Variants in EPB42 observed in about 807,000 individuals in gnomAD.
EPB42 encodes protein 4.2.
Under a neutral mutation model 76.9 loss-of-function variants are expected in EPB42, and 49 were observed. The observed-to-expected ratio is 0.64, with a 90% CI of 0.51 to 0.81. EPB42 has a LOEUF of 0.81. Among genes scored for constraint, EPB42 ranks in the 30% least tolerant of loss-of-function variants. The pLI is 0.00. For synonymous variants in EPB42, 310 were observed against 338.4 expected, an observed-to-expected ratio of 0.92 and a Z score of 0.92; for missense variants, 731 against 867.6, an observed-to-expected ratio of 0.84 and a Z score of 1.98.
intron 9 of EPB42, 120 bp downstream of exon 9, chr15:43,207,079 C>A: frequency 6.8e-7 from 1 of 1,469,144 alleles, no homozygotes; most frequent in Admixed American, 1.8e-5. Context: ...GTTGAGAAAC[C>A]CTGTTTTATA....
In EPB42 at chr15:43,197,288, A is replaced by G; in HGVS notation, c.*14T>C. On this transcript the variant is annotated 3_prime_UTR_variant, in exon 13 of 13. Coordinates refer to ENST00000441366, the MANE Select transcript of EPB42 (RefSeq NM_001114134.2). ...AACAAGGGTTGGCAGGAGAGTGGTG[A>G]TAGAGCTGGAAGTTTAAGCTGATAG... is the stretch of plus-strand genomic sequence containing the variant. 6.2e-7 allele frequency: 1 copy of G among 1,614,164 alleles called. No individual in the cohort carries two copies. The highest frequency in any genetic ancestry group is 8.5e-7 in the Non-Finnish European group (1 of 1,180,032).
intron 3 of EPB42, among the ~76,000 whole-genome samples, chr15:43,212,560 C>T (rs1398020165): frequency 6.6e-6 from 1 of 151,990 alleles, no homozygotes; most frequent in African/African-American, 2.4e-5. Context: ...CATAGGCTGA[C>T]GGATGTAAGC....
At chr15:43,209,588 T>G in intron 5 of EPB42, 137 bp from the exon 6 acceptor site, 2 of 953,510 alleles carry the variant, frequency 2.1e-6, no homozygotes, top group Non-Finnish European at 1.6e-6. Context: ...TGGTACTGGT[T>G]AAACCTGCAT....
chr15:43,209,727 G>C, intron 5 of EPB42: 1 of 419,580 alleles, frequency 2.4e-6, no homozygotes, highest in South Asian at 4.4e-5. Context: ...TTGGGGGCTG[G>C]TTTCACCGGT....
intron 3 of EPB42, among the ~76,000 whole-genome samples, chr15:43,214,692 G>C (rs1243619661): frequency 6.6e-6 from 1 of 152,062 alleles, no homozygotes; most frequent in Non-Finnish European, 1.5e-5. Context: ...GCCGGGGAGA[G>C]AGAGAGAAGC....
chr15:43,218,480 C>A (rs753691093), intron 1 of EPB42, among the ~76,000 whole-genome samples: 47 of 152,330 alleles, frequency 3.1e-4, no homozygotes, highest in Middle Eastern at 3.4e-3. Context: ...TGGACTCCCA[C>A]AGTACTCTGC....
chr15:43,197,329 G>A lies in EPB42; in HGVS notation c.2049C>T (p.Thr683=), dbSNP rs138957112. 133 of 1,614,182 alleles carry A rather than the reference G, an allele frequency of 8.2e-5. No individual in the cohort carries two copies. The African/African-American group carries it at 1.4e-3, about 17-fold the overall frequency. Residue 683 remains threonine (T), a synonymous_variant, in exon 13 of 13, where the codon ACC becomes ACT. Transcript: ENST00000441366. ...FQNLTNYKSV[T]VVAPELSA is the part of the protein sequence containing the mutation. ...AAGCTGATAGTTCAGGGGCTACCAC[G>A]GTGACGCTTTTATAGTTGGTTAGGT...
Position 43,206,645 on chromosome 15 carries a change from A to C in EPB42, c.1319-16T>G. On this transcript the variant is annotated splice_polypyrimidine_tract_variant and intron_variant, in intron 9 of 12. Transcript: ENST00000441366. The surrounding 1 kb of genome is among the most constrained non-coding windows in gnomAD (Gnocchi z 4.7). Reference sequence around the variant, plus strand: ...TGAAGAGACCCTGGAGAAGGGAAGAAACAAAGCTGACCTTTTACCCGGGTG... The same window carrying C: ...TGAAGAGACCCTGGAGAAGGGAAGACACAAAGCTGACCTTTTACCCGGGTG... 1 of 1,614,128 alleles carries C rather than the reference A, an allele frequency of 6.2e-7. No individual in the cohort carries two copies. Among genetic ancestry groups the C allele is most frequent in the Non-Finnish European group, 8.5e-7 (1 of 1,180,004 alleles).
chr15:43,208,927 G>T, intron 6 of EPB42, 152 bp from the exon 7 acceptor site: 1 of 907,548 alleles, frequency 1.1e-6, no homozygotes. Context: ...AGAACAGGAT[G>T]CATGAAGGCT....
chr15:43,198,600 T>C (rs529672176), intron 12 of EPB42, among the ~76,000 whole-genome samples: 3 of 152,282 alleles, frequency 2.0e-5, no homozygotes, highest in East Asian at 1.9e-4. Context: ...GACTATGCAA[T>C]AGAAAAGAAA....
Position 43,220,896 on chromosome 15 carries a change from C to T in EPB42, c.-71G>A. Reference sequence around the variant, plus strand: ...CTCTCAAACTGTTGCTTCTGGGCTCCTTCTGGGCTTTCTGTCTTCCAGACA... The same window carrying T: ...CTCTCAAACTGTTGCTTCTGGGCTCTTTCTGGGCTTTCTGTCTTCCAGACA... On this transcript the variant is annotated 5_prime_UTR_variant, in exon 1 of 13. Coordinates refer to ENST00000441366, the MANE Select transcript of EPB42 (RefSeq NM_001114134.2). 1.4e-6 allele frequency: 2 copies of T among 1,414,564 alleles called. No individual in the cohort carries two copies. Among genetic ancestry groups the T allele is most frequent in the South Asian group, 1.1e-5 (1 of 87,380 alleles). 87.6% of individuals were successfully genotyped at this position (1,414,564 alleles called of 1,614,324 possible). A position where few individuals can be genotyped will look rare whatever the true frequency, so the allele number is the denominator to read the frequency against.
At chr15:43,218,097 TG>T (rs1359721991) in intron 1 of EPB42, among the ~76,000 whole-genome samples, 1 of 152,018 alleles carries the variant, frequency 6.6e-6, no homozygotes, top group Non-Finnish European at 1.5e-5. Context: ...AAAGTAGCCA[TG>T]GGGAGGCTGG....
At chr15:43,214,350 G>A (rs1451393925) in intron 3 of EPB42, among the ~76,000 whole-genome samples, 4 of 152,186 alleles carry the variant, frequency 2.6e-5, no homozygotes, top group Non-Finnish European at 1.5e-5. Flanking sequence ...GGTTGGGGGG[G>A]CGGGGCACAG....
intron 6 of EPB42, 112 bp from the exon 7 acceptor site, chr15:43,208,887 A>T: frequency 7.8e-7 from 1 of 1,284,280 alleles, no homozygotes; most frequent in Non-Finnish European, 1.1e-6. Context: ...TGGAAAGAAG[A>T]GGAGTGCAGG....
rs2042260464 is a variant in EPB42, at chr15:43,209,554, C to G, written c.655-103G>C. The G allele has an allele frequency of 7.6e-6, 10 of 1,318,490 alleles. No homozygotes were observed. In the Admixed American group the frequency reaches 2.0e-4, roughly 27 times the overall value. The allele number at this position is 1,318,490 out of a possible 1,614,324, so 81.7% of individuals were successfully genotyped here. A position where few individuals can be genotyped will look rare whatever the true frequency, so the allele number is the denominator to read the frequency against. On this transcript the variant is annotated intron_variant, in intron 5 of 12. Coordinates refer to ENST00000441366, the MANE Select transcript of EPB42 (RefSeq NM_001114134.2). ...ATCACAGTACTCCAACCATGGTGAA[C>G]AGATCCCCAGCATTAGAGCCACCTG... is the stretch of plus-strand genomic sequence containing the variant.
Position 43,211,408 on chromosome 15 carries a change from C to T in EPB42, c.549+8G>A, listed in dbSNP as rs1463689702. 6.4e-7 allele frequency: 1 copy of T among 1,570,728 alleles called. No homozygotes were observed. The highest frequency in any genetic ancestry group is 1.7e-5 in the Admixed American group (1 of 59,972). On this transcript the variant is annotated splice_region_variant and intron_variant, in intron 4 of 12. Coordinates refer to ENST00000441366, the MANE Select transcript of EPB42 (RefSeq NM_001114134.2). ...TCTACACACTCCTCCCCTAGAGGGC[C>T]CTGGTACCTGGCCAAAGTCCCAGGA... is the stretch of plus-strand genomic sequence containing the variant.
intron 12 of EPB42, among the ~76,000 whole-genome samples, chr15:43,198,904 T>C (rs1596400726): frequency 1.3e-5 from 2 of 152,150 alleles, no homozygotes; most frequent in African/African-American, 4.8e-5. Flanking sequence ...CTTCAGAGGG[T>C]GGAAGCCGCA....
chr15:43,211,924 C>T (rs920318896), intron 3 of EPB42, among the ~76,000 whole-genome samples: 14 of 152,046 alleles, frequency 9.2e-5, no homozygotes, highest in African/African-American at 1.9e-4. Flanking sequence ...AAAAAACAGC[C>T]AGGTGTGGTG....
chr15:43,206,048 C>G lies in EPB42; in HGVS notation c.1618+282G>C, dbSNP rs1952448757. ...TTATTCCAGCCTGGGGGGAGGTGCT[C>G]TCCTGCCACTGTACTCTGTTAAACT... On this transcript the variant is annotated intron_variant, in intron 10 of 12. Transcript: ENST00000441366. The surrounding 1 kb of genome is among the most constrained non-coding windows in gnomAD (Gnocchi z 4.7). The G allele has an allele frequency of 2.8e-6, 1 of 360,654 alleles. No individual in the cohort carries two copies. Among genetic ancestry groups the G allele is most frequent in the Non-Finnish European group, 5.0e-6 (1 of 198,752 alleles). 22.3% of individuals were successfully genotyped at this position (360,654 alleles called of 1,614,324 possible). A position where few individuals can be genotyped will look rare whatever the true frequency, so the allele number is the denominator to read the frequency against.
Sources: allele counts gnomAD v4.1 joint callset (sites outside exome capture counted in the v4.1 genomes callset), GRCh38; gene constraint gnomAD v4.1.1; non-coding constraint Gnocchi (gnomAD v3.1); transcripts MANE v1.5; gene names NCBI Gene and HGNC (gene_info 2026-07-23, HGNC 2026-07-21).